The following TENM2 variants were observed in gnomAD, a reference collection of about 807,000 sequenced individuals.
TENM2 encodes the protein teneurin-2.
Under a neutral mutation model 245.2 loss-of-function variants are expected in TENM2, and 52 were observed. The observed-to-expected ratio is 0.21, with a 90% CI of 0.17 to 0.27. The LOEUF (loss-of-function observed/expected upper bound fraction) is 0.27, where lower values mean the gene tolerates loss of function less well. Among genes scored for constraint, TENM2 ranks in the 10% least tolerant of loss-of-function variants. The pLI is 1.00. For synonymous variants in TENM2, 1,363 were observed against 1,438.9 expected (o/e 0.95, Z 1.19); for missense variants, 3,046 against 3,666.8 (o/e 0.83, Z 4.37).
At chr5:167,801,655 G>A (rs1765785870) in intron 2 of TENM2, among the ~76,000 whole-genome samples, 1 of 152,096 alleles carries the variant, frequency 6.6e-6, no homozygotes. Flanking sequence ...AGGAAGGCAG[G>A]TTAGAACCAA....
intron 2 of TENM2, among the ~76,000 whole-genome samples, chr5:167,604,912 A>G (rs1235773982): frequency 6.6e-6 from 1 of 152,224 alleles, no homozygotes; most frequent in Non-Finnish European, 1.5e-5. Flanking sequence ...TGGACAGATT[A>G]AGAAAGATTT....
intron 9 of TENM2, among the ~76,000 whole-genome samples, chr5:168,110,983 G>A (rs1794630537): frequency 6.6e-6 from 1 of 152,098 alleles, no homozygotes; most frequent in Non-Finnish European, 1.5e-5. Context: ...TAAAACATCT[G>A]TGCACTTTTA....
chr5:168,074,795 C>G (rs1294192651), intron 7 of TENM2, among the ~76,000 whole-genome samples: 1 of 152,212 alleles, frequency 6.6e-6, no homozygotes, highest in Non-Finnish European at 1.5e-5. Flanking sequence ...GTGGCTCCCC[C>G]TGACGTTTTT....
At chr5:167,203,276 T>C in the TENM2 span, among the ~76,000 whole-genome samples, 2 of 152,162 alleles carry the variant, frequency 1.3e-5, no homozygotes, top group Admixed American at 1.3e-4. Context: ...TCCCACTGCA[T>C]CACTTCTGTT....
intron 24 of TENM2, 39 bp downstream of exon 26, chr5:168,226,302 C>T: frequency 6.3e-7 from 1 of 1,587,022 alleles, no homozygotes; most frequent in Non-Finnish European, 8.6e-7. Context: ...CCAAACTCAC[C>T]CATAGACCCA....
At chr5:167,343,860 G>A (rs1758277885) in intron 1 of TENM2, among the ~76,000 whole-genome samples, 1 of 151,924 alleles carries the variant, frequency 6.6e-6, no homozygotes, top group African/African-American at 2.4e-5. Context: ...GAAAGGCAGT[G>A]GGCTTGGGAT....
chr5:167,476,279 G>A (rs1429812571), intron 2 of TENM2, among the ~76,000 whole-genome samples: 1 of 152,048 alleles, frequency 6.6e-6, no homozygotes, highest in South Asian at 2.1e-4. Flanking sequence ...TGAACTTTTT[G>A]TACTAAAATC....
At chr5:167,844,471 G>A (rs1307251822) in intron 2 of TENM2, among the ~76,000 whole-genome samples, 1 of 152,206 alleles carries the variant, frequency 6.6e-6, no homozygotes, top group Non-Finnish European at 1.5e-5. Flanking sequence ...TTTATGGAAT[G>A]TGCACGTGAG....
At chr5:167,246,297 G>T in the TENM2 span, among the ~76,000 whole-genome samples, 1 of 152,072 alleles carries the variant, frequency 6.6e-6, no homozygotes, top group African/African-American at 2.4e-5. Context: ...CCGCATTTAT[G>T]TATGTGTATG....
intron 1 of TENM2, among the ~76,000 whole-genome samples, chr5:167,295,667 A>G (rs2127726792): frequency 6.6e-6 from 1 of 152,320 alleles, no homozygotes. Context: ...CAGCTCTGGC[A>G]ATTCCAGAAG....
chr5:168,056,776 T>G (rs1789577673), intron 6 of TENM2, among the ~76,000 whole-genome samples: 1 of 152,180 alleles, frequency 6.6e-6, no homozygotes, highest in Non-Finnish European at 1.5e-5. Context: ...CCATTCATTT[T>G]TTATCTCTTA....
In TENM2 at chr5:167,632,725, T is replaced by A. The variant is rs183081867; in HGVS notation, c.503-243261T>A. Among the ~76,000 whole-genome samples, 313 of 152,250 alleles carry A rather than the reference T, an allele frequency of 2.1e-3. 1 individual carries two copies. The highest frequency in any genetic ancestry group is 3.6e-3 in the Non-Finnish European group (245 of 68,012). ...ATGTGTGTGTGTGAGGTAGCTTTAG[T>A]ACCCAGCACAGTACCTGGCACAAAG... On this transcript the variant is annotated intron_variant, in intron 2 of 28. Transcript: ENST00000518659.
chr5:168,098,058 G>A, exon 9 of TENM2: 1 of 1,613,664 alleles, frequency 6.2e-7, no homozygotes, highest in Non-Finnish European at 8.5e-7. Flanking sequence ...TAACTGCCAT[G>A]GGAATGGTGA....
At chr5:167,515,308 A>G (rs1053259649) in intron 2 of TENM2, among the ~76,000 whole-genome samples, 3 of 152,304 alleles carry the variant, frequency 2.0e-5, no homozygotes, top group Middle Eastern at 3.4e-3. Flanking sequence ...GACTGCAAGT[A>G]GAGTATATAT....
intron 7 of TENM2, among the ~76,000 whole-genome samples, chr5:168,076,264 C>G (rs1279831774): frequency 6.6e-6 from 1 of 150,722 alleles, no homozygotes; most frequent in Non-Finnish European, 1.5e-5. Flanking sequence ...CTCAATCTGT[C>G]ACCCAGGCTG....
Position 167,322,671 on chromosome 5 carries a change from G to A in TENM2, c.226+37608G>A, listed in dbSNP as rs373234847. Among the ~76,000 whole-genome samples the A allele has an allele frequency of 9.2e-5, 14 of 152,170 alleles. No homozygotes were observed. In the South Asian group the frequency reaches 2.9e-3, roughly 32 times the overall value. On this transcript the variant is annotated intron_variant, in intron 1 of 28. Transcript: ENST00000518659. Reference sequence around the variant, plus strand: ...AACATCACTGTCCAAAAGAAAAATAGGATGGAATCAAGATTAAATGATTAA... The same window carrying A: ...AACATCACTGTCCAAAAGAAAAATAAGATGGAATCAAGATTAAATGATTAA...
At chr5:167,865,652 G>GA (rs140974959) in intron 2 of TENM2, among the ~76,000 whole-genome samples, 4,560 of 152,228 alleles carry the variant, frequency 0.03, 88 homozygotes, top group Middle Eastern at 0.092. Flanking sequence ...TACCATGCCT[G>GA]AAAATCCCTT....
chr5:167,276,214 G>A, the TENM2 span, among the ~76,000 whole-genome samples: 5 of 151,728 alleles, frequency 3.3e-5, no homozygotes, highest in African/African-American at 1.2e-4. Context: ...TTAGTCATGA[G>A]GGTAATAAGT....
intron 1 of TENM2, among the ~76,000 whole-genome samples, chr5:167,291,518 G>A (rs1234044945): frequency 6.6e-6 from 1 of 152,198 alleles, no homozygotes; most frequent in African/African-American, 2.4e-5. Flanking sequence ...TCACTGGAAA[G>A]AGTCCCTTGT....
Sources: gnomAD v4.1 joint callset for allele counts (sites outside exome capture counted in the v4.1 genomes callset) on GRCh38, gnomAD v4.1.1 for gene constraint, MANE v1.5 for transcripts, NCBI Gene and HGNC (gene_info 2026-07-23, HGNC 2026-07-21) for gene names.